The following ABTB2 variants were observed in gnomAD, a reference collection of about 807,000 sequenced individuals.
ABTB2 encodes the protein ankyrin repeat and BTB domain containing 2, also known as ankyrin repeat and BTB/POZ domain-containing protein 2.
In ABTB2, 56 loss-of-function variants were observed where a neutral mutation model predicts 104.1. The ratio of observed to expected loss-of-function variants is 0.54; its 90% CI spans 0.43 to 0.67. ABTB2 has a LOEUF of 0.67. ABTB2 is among the 30% of genes least tolerant of loss of function. ABTB2 has a pLI of 0.00. For synonymous variants in ABTB2, 606 were observed against 608.2 expected (o/e 1.00, Z 0.05); for missense variants, 1,279 against 1,407.7 (o/e 0.91, Z 1.46).
rs67998044 is a variant in ABTB2, at chr11:34,232,449, CAA to C, written c.884-27761_884-27760del. 2.6e-4 allele frequency among the ~76,000 whole-genome samples: 30 copies of C among 115,384 alleles called. 1 individual carries two copies. The highest frequency in any genetic ancestry group is 7.9e-4 in the African/African-American group (25 of 31,572). 75.7% of individuals were successfully genotyped at this position (115,384 alleles called of 152,430 possible). A position where few individuals can be genotyped will look rare whatever the true frequency, so the allele number is the denominator to read the frequency against. On this transcript the variant is annotated intron_variant, in intron 1 of 16. Transcript: ENST00000435224. ...TGGGCAATAGAGGGAGACTCTGTCTCAAAAAAAAAAAAAAAAATTGTTCTTAA... is the reference window on the plus strand; with the variant it reads ...TGGGCAATAGAGGGAGACTCTGTCTCAAAAAAAAAAAAAAATTGTTCTTAA...
chr11:34,179,288 C>T (rs1180711165), intron 3 of ABTB2, among the ~76,000 whole-genome samples: 2 of 152,160 alleles, frequency 1.3e-5, no homozygotes, highest in East Asian at 3.9e-4. Flanking sequence ...TGTGAGAGAA[C>T]AAGAATGAAA....
intron 9 of ABTB2, among the ~76,000 whole-genome samples, chr11:34,164,096 C>T (rs1852761642): frequency 6.6e-6 from 1 of 152,214 alleles, no homozygotes; most frequent in East Asian, 1.9e-4. Flanking sequence ...TCCTGCCTGC[C>T]AGCCCTGCTT....
chr11:34,171,169 T>C (rs1852869616), intron 4 of ABTB2, 98 bp from the exon 5 acceptor site: 9 of 1,333,988 alleles, frequency 6.7e-6, no homozygotes. Context: ...AGAGTGAGGA[T>C]GAGGATGGGT....
At chr11:34,170,774 G>C in intron 5 of ABTB2, 132 bp downstream of exon 5, 1 of 1,098,118 alleles carries the variant, frequency 9.1e-7, no homozygotes, top group South Asian at 1.7e-5. Context: ...AGGATTCAGG[G>C]AGGTAGCCCG....
chr11:34,277,912 G>A (rs1228691306), intron 1 of ABTB2, among the ~76,000 whole-genome samples: 3 of 140,400 alleles, frequency 2.1e-5, no homozygotes, highest in African/African-American at 8.0e-5. Context: ...TCAAGCGATT[G>A]TCCTGCCTCA....
At chr11:34,209,928 C>T (rs2133043884) in intron 1 of ABTB2, among the ~76,000 whole-genome samples, 1 of 151,474 alleles carries the variant, frequency 6.6e-6, no homozygotes, top group African/African-American at 2.4e-5. Flanking sequence ...CTCTGGAGGA[C>T]AGCAGCCTGC....
chr11:34,203,101 T>C (rs1368105149), intron 2 of ABTB2, among the ~76,000 whole-genome samples: 1 of 152,144 alleles, frequency 6.6e-6, no homozygotes, highest in African/African-American at 2.4e-5. Context: ...CCGATCTTGA[T>C]CTCAGCTGCC....
chr11:34,272,733 C>CAAA (rs1323130706), intron 1 of ABTB2, among the ~76,000 whole-genome samples: 1 of 127,648 alleles, frequency 7.8e-6, no homozygotes, highest in African/African-American at 3.0e-5. Flanking sequence ...AAAAAAAAAC[C>CAAA]AACCAACCAT....
intron 1 of ABTB2, among the ~76,000 whole-genome samples, chr11:34,206,339 C>T (rs907478123): frequency 1.3e-5 from 2 of 152,074 alleles, no homozygotes; most frequent in Non-Finnish European, 2.9e-5. Context: ...GCTGAGATCA[C>T]GCCACTGTAC....
Position 34,356,554 on chromosome 11 carries a change from T to C in ABTB2, c.883+147A>G, listed in dbSNP as rs962758029. The C allele has an allele frequency of 1.6e-5, 18 of 1,113,516 alleles. No homozygotes were observed. Among genetic ancestry groups the C allele is most frequent in the South Asian group, 3.4e-5 (2 of 59,320 alleles). The allele number at this position is 1,113,516 out of a possible 1,614,324, so 69.0% of individuals were successfully genotyped here. On this transcript the variant is annotated intron_variant, in intron 1 of 16. Transcript: ENST00000435224. The surrounding 1 kb of genome is among the most constrained non-coding windows in gnomAD (Gnocchi z 4.6). ...TTAGAACAATCTCTGGCAAGTGCCA[T>C]GTAATGAACCCTATCCTCAGACCAA... is the stretch of plus-strand genomic sequence containing the variant.
intron 5 of ABTB2, among the ~76,000 whole-genome samples, chr11:34,170,596 C>T (rs929103116): frequency 3.3e-5 from 5 of 152,214 alleles, no homozygotes; most frequent in African/African-American, 9.6e-5. Flanking sequence ...GGTTAGCGAT[C>T]GTGTCCCTAG....
intron 3 of ABTB2, among the ~76,000 whole-genome samples, chr11:34,192,440 C>G (rs1853191157): frequency 1.3e-5 from 2 of 152,320 alleles, no homozygotes; most frequent in South Asian, 4.1e-4. Flanking sequence ...CAGGGCCCTC[C>G]TCAGATGGGG....
intron 1 of ABTB2, among the ~76,000 whole-genome samples, chr11:34,217,519 T>C (rs1853564642): frequency 6.6e-6 from 1 of 152,148 alleles, no homozygotes; most frequent in African/African-American, 2.4e-5. Flanking sequence ...TGGAGTGCAG[T>C]GGTGTGATCC....
In ABTB2 at chr11:34,273,207, G is replaced by T. The variant is rs980892169; in HGVS notation, c.884-68517C>A. On this transcript the variant is annotated intron_variant, in intron 1 of 16. Transcript: ENST00000435224. ...AAATCTTGGCCTGACTTCCGCCACA[G>T]GGCTCAGGCCTTCTTTTCCTTTGGT... Among the ~76,000 whole-genome samples, 3 of 152,300 alleles carry T rather than the reference G, an allele frequency of 2.0e-5. No individual in the cohort carries two copies. The South Asian group carries it at 6.2e-4, about 32-fold the overall frequency.
intron 1 of ABTB2, among the ~76,000 whole-genome samples, chr11:34,306,236 ATTTTTTTTTTTTTTTT>A (rs34872949): frequency 2.5e-4 from 18 of 71,972 alleles, no homozygotes; most frequent in Non-Finnish European, 3.6e-4. Context: ...GGAAAGTTTG[ATTTTTTTTTTTTTTTT>A]TTTTTTTTTT....
intron 1 of ABTB2, among the ~76,000 whole-genome samples, chr11:34,286,905 A>C (rs908344054): frequency 2.6e-5 from 4 of 152,182 alleles, no homozygotes; most frequent in Non-Finnish European, 5.9e-5. Context: ...CAGAACTACC[A>C]CCATGGAGAA....
rs375978988 is a variant in ABTB2, at chr11:34,189,486, A to T, written c.1244+7839T>A. Among the ~76,000 whole-genome samples, 4 of 152,248 alleles carry T rather than the reference A, an allele frequency of 2.6e-5. No individual in the cohort carries two copies. In the East Asian group the frequency reaches 7.7e-4, roughly 29 times the overall value. On this transcript the variant is annotated intron_variant, in intron 3 of 16. Coordinates refer to ENST00000435224, the MANE Select transcript of ABTB2 (RefSeq NM_145804.3). Reference sequence around the variant, plus strand: ...CATGGCAGAGTGGGCCAACAGTCCCAGCTACTCAGGAGGTGGAGGTGGGAG... The same window carrying T: ...CATGGCAGAGTGGGCCAACAGTCCCTGCTACTCAGGAGGTGGAGGTGGGAG...
At position 34,229,543 on chromosome 11, in the gene ABTB2, G is replaced by A. The variant is rs533497117; in HGVS notation, c.884-24853C>T. The stretch of plus-strand genomic sequence containing the variant: ...TGCTACCAAATCGGCAGTGACTTCT[G>A]TGCTAGAATGGGTTTCCTTAAAACA... On this transcript the variant is annotated intron_variant, in intron 1 of 16. Coordinates refer to ENST00000435224, the MANE Select transcript of ABTB2 (RefSeq NM_145804.3). Among the ~76,000 whole-genome samples, 171 of 151,760 alleles carry A rather than the reference G, an allele frequency of 1.1e-3. 1 individual carries two copies. The highest frequency in any genetic ancestry group is 4.1e-3 in the African/African-American group (168 of 41,418).
chr11:34,288,634 G>A (rs535006191), intron 1 of ABTB2, among the ~76,000 whole-genome samples: 2 of 152,208 alleles, frequency 1.3e-5, no homozygotes, highest in South Asian at 4.2e-4. Context: ...GGTAGGGGCG[G>A]GAGGGGGTAG....
Sources: gnomAD v4.1 joint callset for allele counts (sites outside exome capture counted in the v4.1 genomes callset) on GRCh38, gnomAD v4.1.1 for gene constraint, Gnocchi (gnomAD v3.1) non-coding constraint, MANE v1.5 for transcripts, NCBI Gene and HGNC (gene_info 2026-07-23, HGNC 2026-07-21) for gene names.